ADARB1: variants seen among roughly 807,000 people sequenced by gnomAD.
ADARB1 encodes the protein adenosine deaminase RNA specific B1, also known as double-stranded RNA-specific editase 1.
A neutral mutation model predicts 52.4 loss-of-function variants in ADARB1; 10 were observed. The observed-to-expected ratio is 0.19, with a 90% CI of 0.12 to 0.32. The LOEUF (loss-of-function observed/expected upper bound fraction) is 0.32, where lower values mean the gene tolerates loss of function less well. Among genes scored for constraint, ADARB1 ranks in the 10% least tolerant of loss-of-function variants. The pLI is 1.00. For synonymous variants in ADARB1, 349 were observed against 371.1 expected, an observed-to-expected ratio of 0.94 and a Z score of 0.68; for missense variants, 643 against 922.3, an observed-to-expected ratio of 0.70 and a Z score of 3.92.
chr21:45,099,070 G>A (rs983120819), intron 1 of ADARB1, among the ~76,000 whole-genome samples: 3 of 152,170 alleles, frequency 2.0e-5, no homozygotes, highest in African/African-American at 7.2e-5. Context: ...GACAGATGGC[G>A]CTTTAGAGGT....
intron 2 of ADARB1, among the ~76,000 whole-genome samples, chr21:45,130,500 A>G (rs1329841521): frequency 1.3e-5 from 2 of 152,230 alleles, no homozygotes; most frequent in Non-Finnish European, 2.9e-5. Flanking sequence ...GAAATCGTGT[A>G]TTTCCTTTCT....
At position 45,182,154 on chromosome 21, in the gene ADARB1, GGTGCCGTT is replaced by G. The variant is rs1388318771; in HGVS notation, c.1079-430_1079-423del. Among the ~76,000 whole-genome samples, 91 of 152,230 alleles carry G rather than the reference GGTGCCGTT, an allele frequency of 6.0e-4. 1 individual carries two copies. In the East Asian group the frequency reaches 0.015, roughly 26 times the overall value. On this transcript the variant is annotated intron_variant, in intron 5 of 10. Coordinates refer to ENST00000348831, the MANE Select transcript of ADARB1 (RefSeq NM_001112.4). ...TTCTGTTTTCCTTCTTATTCCTCTG[GGTGCCGTT>G]AACCCCTCCTTCCTAATCTCTTCAG...
intron 2 of ADARB1, among the ~76,000 whole-genome samples, chr21:45,144,323 GATAAAA>G (rs1411381685): frequency 1.3e-5 from 2 of 152,148 alleles, no homozygotes; most frequent in Non-Finnish European, 2.9e-5. Context: ...TGAGGGCATA[GATAAAA>G]ATAAAATTAA....
In ADARB1 at chr21:45,157,538, G is replaced by A. The variant is rs377222110; in HGVS notation, c.-47-14072G>A. Among the ~76,000 whole-genome samples, 6 of 152,220 alleles carry A rather than the reference G, an allele frequency of 3.9e-5. No individual in the cohort carries two copies. The East Asian group carries it at 5.8e-4, about 15-fold the overall frequency. Reference sequence around the variant, plus strand: ...GTGAAGGTTTGTGCTCTCGTGTGCCGGCTCTGACCTGTGATTTTGTTGCTG... The same window carrying A: ...GTGAAGGTTTGTGCTCTCGTGTGCCAGCTCTGACCTGTGATTTTGTTGCTG... On this transcript the variant is annotated intron_variant, in intron 2 of 10. Coordinates refer to ENST00000348831, the MANE Select transcript of ADARB1 (RefSeq NM_001112.4). The surrounding 1 kb of genome is among the most constrained non-coding windows in gnomAD (Gnocchi z 4.1).
chr21:45,079,730 G>A lies in ADARB1; in HGVS notation c.-220+4937G>A, dbSNP rs139212076. On this transcript the variant is annotated intron_variant, in intron 1 of 10. Transcript: ENST00000348831. ...AGTACCTGACTAACAGTATTTAATG[G>A]GGCTTACTTTGCTTATTATTTTTAT... Among the ~76,000 whole-genome samples the A allele has an allele frequency of 1.2e-3, 178 of 152,250 alleles. No individual in the cohort carries two copies. The East Asian group carries it at 0.026, about 22-fold the overall frequency.
At chr21:45,078,121 G>A (rs926117908) in intron 1 of ADARB1, among the ~76,000 whole-genome samples, 15 of 151,986 alleles carry the variant, frequency 9.9e-5, no homozygotes, top group African/African-American at 3.6e-4. Flanking sequence ...CCTATAAGAT[G>A]TCCTAGGCGT....
chr21:45,183,419 G>T lies in ADARB1; in HGVS notation c.1305G>T (p.Arg435Ser). 2 of 1,611,852 alleles carry T rather than the reference G, an allele frequency of 1.2e-6. No individual in the cohort carries two copies. Among genetic ancestry groups the T allele is most frequent in the Non-Finnish European group, 1.7e-6 (2 of 1,179,332 alleles). ...IFQKSERGGFRLKENVQFHLY... is the reference protein window; with the variant it reads ...IFQKSERGGFSLKENVQFHLY... Reference sequence around the variant, plus strand: ...AGAAATCAGAGCGAGGGGGGTTTAGGCTGAAGGAGAATGTCCAGTTTCATC... The same window carrying T: ...AGAAATCAGAGCGAGGGGGGTTTAGTCTGAAGGAGAATGTCCAGTTTCATC... Residue 435 changes from arginine to serine, a missense_variant, in exon 7 of 11, where the codon AGG becomes AGT. Around this residue, in one of 2 missense-constraint regions of ADARB1, gnomAD observed 263 missense variants for 475.8 expected, o/e 0.55. Transcript: ENST00000348831.
chr21:45,225,681 T>G lies in ADARB1; in HGVS notation c.*3484T>G, dbSNP rs2093049274. 4.5e-6 allele frequency: 4 copies of G among 895,606 alleles called. No individual in the cohort carries two copies. The East Asian group carries it at 9.0e-5, about 20-fold the overall frequency. 55.5% of individuals were successfully genotyped at this position (895,606 alleles called of 1,614,324 possible). On this transcript the variant is annotated 3_prime_UTR_variant, in exon 11 of 11. Coordinates refer to ENST00000348831, the MANE Select transcript of ADARB1 (RefSeq NM_001112.4). ...ACACATGTACAGTGGCTCTTTTTCCTTCTCAAACACTTTACCCCAGAAGCA... is the reference window on the plus strand; with the variant it reads ...ACACATGTACAGTGGCTCTTTTTCCGTCTCAAACACTTTACCCCAGAAGCA...
At chr21:45,185,487 TTGA>T (rs2092073570) in intron 8 of ADARB1, among the ~76,000 whole-genome samples, 1 of 152,258 alleles carries the variant, frequency 6.6e-6, no homozygotes. Flanking sequence ...TTTTAGGTAG[TTGA>T]TATGTGCATT....
chr21:45,083,389 T>C (rs1329039127), intron 1 of ADARB1, among the ~76,000 whole-genome samples: 4 of 152,212 alleles, frequency 2.6e-5, no homozygotes, highest in Non-Finnish European at 5.9e-5. Context: ...TCCACACTTT[T>C]CTATGTAGAA....
chr21:45,186,379 C>T (rs1298846247), intron 8 of ADARB1, among the ~76,000 whole-genome samples: 1 of 152,192 alleles, frequency 6.6e-6, no homozygotes, highest in Non-Finnish European at 1.5e-5. Context: ...TCCTGTATAT[C>T]CTTCAACTTA....
In ADARB1 at chr21:45,144,651, G is replaced by A. The variant is rs113415449; in HGVS notation, c.-48+16078G>A. 542 of 454,074 alleles carry A rather than the reference G, an allele frequency of 1.2e-3. 1 individual carries two copies. The highest frequency in any genetic ancestry group is 9.7e-3 in the African/African-American group (485 of 50,106). 28.1% of individuals were successfully genotyped at this position (454,074 alleles called of 1,614,324 possible). A position where few individuals can be genotyped will look rare whatever the true frequency, so the allele number is the denominator to read the frequency against. ...TAAAGGTGGAAGAAAGAAATGGGAA[G>A]AAAAAGGAAGAGAACCATAGCTACG... On this transcript the variant is annotated intron_variant, in intron 2 of 10. Transcript: ENST00000348831.
rs375768862 is a variant in ADARB1 at position 45,206,782 on chromosome 21, C to T, written c.1747+2046C>T. Among the ~76,000 whole-genome samples, 3 of 152,196 alleles carry T rather than the reference C, an allele frequency of 2.0e-5. No homozygotes were observed. The East Asian group carries it at 5.8e-4, about 29-fold the overall frequency. On this transcript the variant is annotated intron_variant, in intron 9 of 10. Coordinates refer to ENST00000348831, the MANE Select transcript of ADARB1 (RefSeq NM_001112.4). Reference sequence around the variant, plus strand: ...AGAGACGGGGTTTCACCATGTTGACCAGGCTGGTCTTGAATTCCTGACCTC... The same window carrying T: ...AGAGACGGGGTTTCACCATGTTGACTAGGCTGGTCTTGAATTCCTGACCTC...
chr21:45,188,819 A>G (rs2146247794), intron 8 of ADARB1, among the ~76,000 whole-genome samples: 1 of 152,050 alleles, frequency 6.6e-6, no homozygotes, highest in East Asian at 1.9e-4. Context: ...TGATAGGTGT[A>G]TTAGTCCATT....
chr21:45,106,960 G>A (rs1317397792), intron 1 of ADARB1, among the ~76,000 whole-genome samples: 1 of 152,122 alleles, frequency 6.6e-6, no homozygotes, highest in Non-Finnish European at 1.5e-5. Flanking sequence ...AAAAAACAAA[G>A]GCATACCATG....
In ADARB1 at chr21:45,200,373, T is replaced by TTATG. The variant is rs1196112332; in HGVS notation, c.1566-4180_1566-4177dup. Among the ~76,000 whole-genome samples, 1 of 152,042 alleles carries TTATG rather than the reference T, an allele frequency of 6.6e-6. No individual in the cohort carries two copies. Among genetic ancestry groups the TTATG allele is most frequent in the Non-Finnish European group, 1.5e-5 (1 of 68,004 alleles). On this transcript the variant is annotated intron_variant, in intron 8 of 10. Coordinates refer to ENST00000348831, the MANE Select transcript of ADARB1 (RefSeq NM_001112.4). The surrounding 1 kb of genome is among the most constrained non-coding windows in gnomAD (Gnocchi z 5.0). ...CATGGGGTTGGCCACCCCACGGTGA[T>TTATG]TATGTTGGCGCGGGAGCCGTGGGAA...
chr21:45,202,825 C>T (rs2092585197), intron 8 of ADARB1, among the ~76,000 whole-genome samples: 1 of 149,324 alleles, frequency 6.7e-6, no homozygotes, highest in African/African-American at 2.5e-5. Context: ...CCCCTGCAGC[C>T]TGTGCCACAC....
rs2091508102 is a variant in ADARB1 at position 45,172,167 on chromosome 21, T to C, written c.28+483T>C. Among the ~76,000 whole-genome samples, 1 of 152,156 alleles carries C rather than the reference T, an allele frequency of 6.6e-6. No individual in the cohort carries two copies. Among genetic ancestry groups the C allele is most frequent in the African/African-American group, 2.4e-5 (1 of 41,428 alleles). On this transcript the variant is annotated intron_variant, in intron 3 of 10. Transcript: ENST00000348831. The surrounding 1 kb of genome is among the most constrained non-coding windows in gnomAD (Gnocchi z 4.4). ...GTTGATCTAAAGTTCGCAAAGGTGCTAATGAGAGCTGGGACTGGTGTGGGC... is the reference window on the plus strand; with the variant it reads ...GTTGATCTAAAGTTCGCAAAGGTGCCAATGAGAGCTGGGACTGGTGTGGGC...
intron 1 of ADARB1, among the ~76,000 whole-genome samples, chr21:45,111,089 A>G (rs2087512385): frequency 6.6e-6 from 1 of 152,128 alleles, no homozygotes; most frequent in Non-Finnish European, 1.5e-5. Flanking sequence ...AGGAAGGCGC[A>G]GCTGAGTGAA....
Sources: allele counts gnomAD v4.1 joint callset (sites outside exome capture counted in the v4.1 genomes callset), GRCh38; gene constraint gnomAD v4.1.1; regional missense constraint gnomAD v4.1.1; non-coding constraint Gnocchi (gnomAD v3.1); transcripts MANE v1.5; gene names NCBI Gene and HGNC (gene_info 2026-07-23, HGNC 2026-07-21).